Variants in HACD2 observed in about 807,000 individuals in gnomAD.
The protein encoded by HACD2 is 3-hydroxyacyl-CoA dehydratase 2.
In HACD2, 15 loss-of-function variants were observed where a neutral mutation model predicts 31.0. That is an observed-to-expected ratio of 0.48 (90% confidence interval 0.32 to 0.75). HACD2 has a LOEUF of 0.75. Among genes scored for constraint, HACD2 ranks in the 30% least tolerant of loss-of-function variants. The probability of loss-of-function intolerance (pLI) is 0.03; values close to 1 mark genes in which losing one functional copy is unlikely to be tolerated. For synonymous variants in HACD2, 115 were observed against 122.2 expected (o/e 0.94, Z 0.39); for missense variants, 283 against 313.0 (o/e 0.90, Z 0.72).
intron 3 of HACD2, among the ~76,000 whole-genome samples, chr3:123,529,006 CTT>C (rs5852343): frequency 0.037 from 5,562 of 148,406 alleles, 97 homozygotes; most frequent in Middle Eastern, 0.095. Context: ...TCTTTAAAAC[CTT>C]TTTTTTTTTT....
chr3:123,557,941 G>A (rs772357061), intron 3 of HACD2, among the ~76,000 whole-genome samples: 4 of 152,192 alleles, frequency 2.6e-5, no homozygotes, highest in African/African-American at 4.8e-5. Flanking sequence ...TTATCCAAAG[G>A]ATTTGAAAAC....
At chr3:123,497,019 A>G (rs1197381978) in intron 6 of HACD2, among the ~76,000 whole-genome samples, 2 of 152,186 alleles carry the variant, frequency 1.3e-5, no homozygotes, top group Non-Finnish European at 2.9e-5. Context: ...TCTCCCAGAG[A>G]TTCCTCAGTA....
intron 5 of HACD2, among the ~76,000 whole-genome samples, chr3:123,501,731 A>G (rs566455749): frequency 1.3e-5 from 2 of 152,334 alleles, no homozygotes; most frequent in South Asian, 4.1e-4. Flanking sequence ...AGTAACTGCT[A>G]TGTTTCCCAT....
At chr3:123,579,389 G>A (rs1434057297) in intron 2 of HACD2, among the ~76,000 whole-genome samples, 1 of 151,624 alleles carries the variant, frequency 6.6e-6, no homozygotes, top group Non-Finnish European at 1.5e-5. Context: ...CAAACTCCTG[G>A]GTTCAAGCTC....
intron 2 of HACD2, among the ~76,000 whole-genome samples, chr3:123,579,099 G>A (rs542950919): frequency 6.6e-6 from 1 of 152,234 alleles, no homozygotes; most frequent in East Asian, 1.9e-4. Flanking sequence ...TTGGTTCTTA[G>A]TGGGGATAAC....
At chr3:123,551,003 G>A (rs1218105985) in intron 3 of HACD2, among the ~76,000 whole-genome samples, 2 of 152,170 alleles carry the variant, frequency 1.3e-5, no homozygotes, top group African/African-American at 2.4e-5. Flanking sequence ...GTGGGAGAGT[G>A]AACAGTCTCA....
chr3:123,581,274 G>A (rs954623620), intron 2 of HACD2, among the ~76,000 whole-genome samples: 5 of 152,120 alleles, frequency 3.3e-5, no homozygotes, highest in African/African-American at 7.2e-5. Flanking sequence ...TGAAATATAC[G>A]AACTATGGCG....
At chr3:123,579,447 C>T (rs1344540756) in intron 2 of HACD2, among the ~76,000 whole-genome samples, 1 of 151,656 alleles carries the variant, frequency 6.6e-6, no homozygotes, top group East Asian at 1.9e-4. Context: ...CAGGTACCCA[C>T]CACCCAGCCC....
At chr3:123,549,132 G>A (rs1473055351) in intron 3 of HACD2, among the ~76,000 whole-genome samples, 1 of 151,354 alleles carries the variant, frequency 6.6e-6, no homozygotes, top group African/African-American at 2.4e-5. Context: ...ATTAAACAAG[G>A]AGTATATTAA....
chr3:123,539,556 T>C (rs2107717618), intron 3 of HACD2, among the ~76,000 whole-genome samples: 1 of 151,566 alleles, frequency 6.6e-6, no homozygotes, highest in Non-Finnish European at 1.5e-5. Flanking sequence ...GGCAACAGAG[T>C]GAGACTCGGT....
intron 3 of HACD2, among the ~76,000 whole-genome samples, chr3:123,532,318 G>C (rs981471870): frequency 6.6e-6 from 1 of 152,090 alleles, no homozygotes. Flanking sequence ...CTGTAGCATA[G>C]ACAACTACTT....
intron 4 of HACD2, among the ~76,000 whole-genome samples, chr3:123,518,191 CA>C (rs1192537288): frequency 1.0e-4 from 14 of 135,362 alleles, no homozygotes; most frequent in African/African-American, 5.0e-4. Flanking sequence ...GACTCCGTCT[CA>C]AAAAAAAAAA....
intron 4 of HACD2, among the ~76,000 whole-genome samples, chr3:123,517,619 A>G (rs1054131167): frequency 2.6e-5 from 4 of 152,182 alleles, no homozygotes; most frequent in African/African-American, 9.7e-5. Context: ...TCCGCCCCCA[A>G]ATCTCCAAAT....
intron 3 of HACD2, among the ~76,000 whole-genome samples, chr3:123,551,022 G>A (rs2056614187): frequency 6.6e-6 from 1 of 152,182 alleles, no homozygotes; most frequent in East Asian, 1.9e-4. Flanking sequence ...CACTCACCTT[G>A]AGTGGCAGCA....
At chr3:123,577,418 G>A (rs974066129) in intron 2 of HACD2, among the ~76,000 whole-genome samples, 1 of 151,946 alleles carries the variant, frequency 6.6e-6, no homozygotes, top group East Asian at 1.9e-4. Context: ...TCAGGAGATC[G>A]AGACCATCCT....
At chr3:123,498,495 C>T (rs62262454) in intron 6 of HACD2, among the ~76,000 whole-genome samples, 1 of 151,626 alleles carries the variant, frequency 6.6e-6, no homozygotes, top group African/African-American at 2.4e-5. Flanking sequence ...ACTGCCTGAG[C>T]TCTGCCTCCT....
intron 2 of HACD2, among the ~76,000 whole-genome samples, chr3:123,571,087 T>C (rs1229959013): frequency 6.6e-6 from 1 of 152,258 alleles, no homozygotes; most frequent in Non-Finnish European, 1.5e-5. Flanking sequence ...TGATTTTCAC[T>C]ACTGCGCTGA....
intron 4 of HACD2, among the ~76,000 whole-genome samples, chr3:123,512,765 T>A (rs902963233): frequency 6.6e-6 from 1 of 152,206 alleles, no homozygotes; most frequent in African/African-American, 2.4e-5. Flanking sequence ...GGGATCAGTA[T>A]GAACCCATGA....
rs2055814721 is a variant in HACD2 at position 123,494,947 on chromosome 3, T to A, written c.706A>T (p.Met236Leu). ...IPIFPQLYFH[M>L]IHQRRKILSH... ...AGGATCTTTCTTCTCTGGTGTATCA[T>A]GTGGAAGTATAACTGGGGAAAAACT... Residue 236 changes from methionine to leucine, a missense_variant, in exon 7 of 7, where the codon ATG becomes TTG. Around this residue, in one of 3 missense-constraint regions of HACD2, gnomAD observed 40 missense variants for 35.1 expected, o/e 1.14. Transcript: ENST00000383657. The A allele has an allele frequency of 6.4e-7, 1 of 1,558,264 alleles. No individual in the cohort carries two copies. The highest frequency in any genetic ancestry group is 8.7e-7 in the Non-Finnish European group (1 of 1,149,944).
Sources: allele counts gnomAD v4.1 joint callset (sites outside exome capture counted in the v4.1 genomes callset), GRCh38; gene constraint gnomAD v4.1.1; regional missense constraint gnomAD v4.1.1; transcripts MANE v1.5; gene names NCBI Gene and HGNC (gene_info 2026-07-23, HGNC 2026-07-21).